Variants in GLRB observed in about 807,000 individuals in gnomAD.
GLRB encodes glycine receptor subunit beta.
In GLRB, 33 loss-of-function variants were observed where a neutral mutation model predicts 54.2. The ratio of observed to expected loss-of-function variants is 0.61; its 90% CI spans 0.46 to 0.81. GLRB has a LOEUF of 0.81. GLRB is among the 40% of genes least tolerant of loss of function. The probability of loss-of-function intolerance (pLI) is 0.00; values close to 1 mark genes in which losing one functional copy is unlikely to be tolerated. For missense variants in GLRB, 572 were observed against 584.6 expected (o/e 0.98, Z 0.22); for synonymous variants, 209 against 208.2 (o/e 1.00, Z -0.03).
chr4:157,150,799 G>C (rs17035787), intron 8 of GLRB, among the ~76,000 whole-genome samples: 20,461 of 151,712 alleles, frequency 0.13, 3,528 homozygotes, highest in African/African-American at 0.4. Context: ...ATCAGTAACT[G>C]TTTTCAAATG....
intron 4 of GLRB, among the ~76,000 whole-genome samples, chr4:157,129,655 A>G (rs1736141067): frequency 6.6e-6 from 1 of 151,804 alleles, no homozygotes; most frequent in Admixed American, 6.6e-5. Flanking sequence ...TGAATGAACC[A>G]GTGAAGTAGG....
intron 9 of GLRB, among the ~76,000 whole-genome samples, chr4:157,166,871 A>G (rs1042080722): frequency 2.6e-5 from 4 of 152,080 alleles, no homozygotes; most frequent in African/African-American, 4.8e-5. Context: ...AACTGGATCA[A>G]ATCCTAATAT....
At chr4:157,105,500 T>C (rs1296644599) in intron 2 of GLRB, among the ~76,000 whole-genome samples, 1 of 152,110 alleles carries the variant, frequency 6.6e-6, no homozygotes, top group African/African-American at 2.4e-5. Flanking sequence ...CTTCTGCTGT[T>C]GGATGAAATG....
intron 7 of GLRB, among the ~76,000 whole-genome samples, chr4:157,139,931 A>C (rs1360452625): frequency 1.3e-5 from 2 of 152,020 alleles, no homozygotes; most frequent in Non-Finnish European, 1.5e-5. Context: ...TCATGATGTC[A>C]TCAAGGCAAC....
chr4:157,113,743 T>G (rs1300102373), intron 2 of GLRB, among the ~76,000 whole-genome samples: 1 of 151,972 alleles, frequency 6.6e-6, no homozygotes, highest in Non-Finnish European at 1.5e-5. Context: ...TGTGGAACAC[T>G]CTTCTTAATT....
At chr4:157,135,979 T>C (rs1736383801) in intron 4 of GLRB, among the ~76,000 whole-genome samples, 1 of 152,136 alleles carries the variant, frequency 6.6e-6, no homozygotes, top group Non-Finnish European at 1.5e-5. Context: ...ATGAGATAGA[T>C]AGGTTTTAGT....
At position 157,170,999 on chromosome 4, in the gene GLRB, C is replaced by CCTG; in HGVS notation, c.*271_*272insCTG. 1 of 249,998 alleles carries CCTG rather than the reference C, an allele frequency of 4.0e-6. No individual in the cohort carries two copies. The highest frequency in any genetic ancestry group is 1.3e-3 in the Middle Eastern group (1 of 798). The allele number at this position is 249,998 out of a possible 1,614,324, so 15.5% of individuals were successfully genotyped here. ...ACTACATAATATAATCCATACAATT[C>CCTG]TCTTCAGTTAGTGTAAACTGCAAAT... On this transcript the variant is annotated 3_prime_UTR_variant, in exon 10 of 10. Transcript: ENST00000264428.
intron 4 of GLRB, among the ~76,000 whole-genome samples, chr4:157,126,482 T>C (rs1466255290): frequency 6.6e-6 from 1 of 151,874 alleles, no homozygotes; most frequent in East Asian, 1.9e-4. Flanking sequence ...TCATTATCAA[T>C]ACTATAAGTG....
intron 3 of GLRB, 133 bp from the exon 4 acceptor site, chr4:157,122,197 G>A (rs1735850375): frequency 4.3e-6 from 2 of 467,862 alleles, no homozygotes; most frequent in Non-Finnish European, 7.8e-6. Flanking sequence ...ATGTTATACT[G>A]AGACCATAGA....
chr4:157,136,179 TA>T (rs1291552543), intron 4 of GLRB, among the ~76,000 whole-genome samples: 1 of 152,152 alleles, frequency 6.6e-6, no homozygotes, highest in Non-Finnish European at 1.5e-5. Context: ...TCAACTGTAA[TA>T]ATTGGTGTTT....
intron 4 of GLRB, among the ~76,000 whole-genome samples, chr4:157,130,561 T>C (rs954868799): frequency 2.0e-5 from 3 of 151,700 alleles, no homozygotes; most frequent in African/African-American, 7.2e-5. Flanking sequence ...TGCTGTAACA[T>C]GTGTCAGAAT....
intron 2 of GLRB, among the ~76,000 whole-genome samples, chr4:157,093,358 T>C (rs1734685929): frequency 6.6e-6 from 1 of 152,212 alleles, no homozygotes. Context: ...AGACAATATA[T>C]GATTTATTTC....
intron 2 of GLRB, among the ~76,000 whole-genome samples, chr4:157,103,693 A>AT (rs1735119324): frequency 6.6e-6 from 1 of 151,600 alleles, no homozygotes; most frequent in Admixed American, 6.6e-5. Context: ...CTGTCTCTCC[A>AT]TTTGTTTGTG....
At chr4:157,124,255 G>T (rs1183259822) in intron 4 of GLRB, among the ~76,000 whole-genome samples, 1 of 151,602 alleles carries the variant, frequency 6.6e-6, no homozygotes, top group Non-Finnish European at 1.5e-5. Context: ...CTTTACCCTT[G>T]CTTTTTATTC....
At chr4:157,115,260 T>C (rs1319186800) in intron 2 of GLRB, among the ~76,000 whole-genome samples, 1 of 151,066 alleles carries the variant, frequency 6.6e-6, no homozygotes, top group Admixed American at 6.6e-5. Context: ...TGTTTTTTTT[T>C]TTTTTTTTTC....
At chr4:157,108,411 T>C (rs116826753) in intron 2 of GLRB, among the ~76,000 whole-genome samples, 1,848 of 151,756 alleles carry the variant, frequency 0.012, 43 homozygotes, top group African/African-American at 0.042. Context: ...AATATCAACA[T>C]TGACAGGAGT....
Position 157,158,456 on chromosome 4 carries a change from T to C in GLRB, c.1197+5446T>C, listed in dbSNP as rs1443851541. Among the ~76,000 whole-genome samples, 3 of 152,372 alleles carry C rather than the reference T, an allele frequency of 2.0e-5. No individual in the cohort carries two copies. In the East Asian group the frequency reaches 5.8e-4, roughly 29 times the overall value. On this transcript the variant is annotated intron_variant, in intron 9 of 9. Coordinates refer to ENST00000264428, the MANE Select transcript of GLRB (RefSeq NM_000824.5). Reference sequence around the variant, plus strand: ...CCTAGGTTTTCTTCTAGAGTTTTTATGATTTTAGGTCTAACATTTAAGTCT... The same window carrying C: ...CCTAGGTTTTCTTCTAGAGTTTTTACGATTTTAGGTCTAACATTTAAGTCT...
At chr4:157,085,942 T>G (rs763617167) in intron 2 of GLRB, among the ~76,000 whole-genome samples, 13 of 152,140 alleles carry the variant, frequency 8.5e-5, no homozygotes, top group Middle Eastern at 3.2e-3. Flanking sequence ...ACAACTCTCT[T>G]ATATTATGTG....
At chr4:157,112,504 T>A (rs914703307) in intron 2 of GLRB, among the ~76,000 whole-genome samples, 2 of 151,944 alleles carry the variant, frequency 1.3e-5, no homozygotes, top group African/African-American at 4.8e-5. Flanking sequence ...AACTTAGTAT[T>A]TAGTTGATGT....
Sources: gnomAD v4.1 joint callset for allele counts (sites outside exome capture counted in the v4.1 genomes callset) on GRCh38, gnomAD v4.1.1 for gene constraint, MANE v1.5 for transcripts, NCBI Gene and HGNC (gene_info 2026-07-23, HGNC 2026-07-21) for gene names.